CNTLN: variants seen among roughly 807,000 people sequenced by gnomAD.
CNTLN encodes the protein centlein, centrosomal protein.
CNTLN carries 212 observed loss-of-function variants against 180.0 expected under a neutral mutation model. That is an observed-to-expected ratio of 1.18 (90% CI 1.05 to 1.32). The LOEUF is 1.32. CNTLN is among the 40% of genes most tolerant of loss of function. The pLI is 0.00. For missense variants in CNTLN, 2,095 were observed against 1,610.9 expected (o/e 1.30, Z -5.14); for synonymous variants, 722 against 563.1 (o/e 1.28, Z -3.99).
At chr9:17,314,641 C>G (rs1042357465) in intron 8 of CNTLN, among the ~76,000 whole-genome samples, 7 of 152,182 alleles carry the variant, frequency 4.6e-5, no homozygotes, top group Non-Finnish European at 7.3e-5. Flanking sequence ...ATTTTAGTCT[C>G]CTAACGTTAT....
intron 2 of CNTLN, among the ~76,000 whole-genome samples, chr9:17,197,707 C>T (rs1312583177): frequency 6.6e-6 from 1 of 152,112 alleles, no homozygotes. Flanking sequence ...TTATTGATTG[C>T]TTCCTTTGCT....
At chr9:17,371,985 A>T (rs1824358648) in intron 13 of CNTLN, among the ~76,000 whole-genome samples, 1 of 152,154 alleles carries the variant, frequency 6.6e-6, no homozygotes, top group African/African-American at 2.4e-5. Context: ...AGGGAAGTTT[A>T]TAGCTATAAA....
Position 17,394,533 on chromosome 9 carries a change from G to A in CNTLN, c.2080-1G>A, listed in dbSNP as rs1001190502. On this transcript the variant is annotated splice_acceptor_variant, in intron 14 of 25. Transcript: ENST00000380647. LOFTEE classifies it high-confidence loss of function. ...TTAAAAGAATAAACTCTTTCCTTTA[G>A]GTCACTGAGTTGGAAAATCGGCTGA... The A allele has an allele frequency of 5.2e-6, 8 of 1,536,384 alleles. No homozygotes were observed. The highest frequency in any genetic ancestry group is 6.2e-6 in the Non-Finnish European group (7 of 1,134,876).
At chr9:17,395,903 A>T (rs1290834729) in intron 15 of CNTLN, among the ~76,000 whole-genome samples, 1 of 152,190 alleles carries the variant, frequency 6.6e-6, no homozygotes, top group East Asian at 1.9e-4. Flanking sequence ...CAGATGGTTA[A>T]GGCATTCTAA....
chr9:17,293,738 C>T (rs1817580224), intron 6 of CNTLN, among the ~76,000 whole-genome samples: 2 of 152,134 alleles, frequency 1.3e-5, no homozygotes, highest in African/African-American at 4.8e-5. Context: ...GTGATGATGA[C>T]CTCCCCTTCC....
At position 17,327,419 on chromosome 9, in the gene CNTLN, C is replaced by T. The variant is rs139768655; in HGVS notation, c.1342-3213C>T. Among the ~76,000 whole-genome samples, 115 of 150,714 alleles carry T rather than the reference C, an allele frequency of 7.6e-4. 1 individual carries two copies. The East Asian group carries it at 0.018, about 24-fold the overall frequency. The stretch of plus-strand genomic sequence containing the variant: ...CAGGATGGTCTCGATCTCCTGACCT[C>T]GTGATCCGCTCTTCTCGGCCTCCCG... On this transcript the variant is annotated intron_variant, in intron 8 of 25. Coordinates refer to ENST00000380647, the MANE Select transcript of CNTLN (RefSeq NM_017738.4).
At chr9:17,389,126 T>C (rs1375401352) in intron 14 of CNTLN, among the ~76,000 whole-genome samples, 2 of 152,042 alleles carry the variant, frequency 1.3e-5, no homozygotes, top group Non-Finnish European at 2.9e-5. Context: ...TTGTAGGAAA[T>C]CTAGTGATTT....
At chr9:17,513,620 C>T in the CNTLN span, among the ~76,000 whole-genome samples, 1 of 152,046 alleles carries the variant, frequency 6.6e-6, no homozygotes, top group African/African-American at 2.4e-5. Flanking sequence ...TAGACTGAAC[C>T]CAGGAGGTTG....
intron 18 of CNTLN, among the ~76,000 whole-genome samples, chr9:17,445,860 C>T (rs1041981375): frequency 6.6e-6 from 1 of 152,136 alleles, no homozygotes; most frequent in South Asian, 2.1e-4. Context: ...CATCTGTCTC[C>T]TGCCTGTCCC....
chr9:17,442,317 C>A (rs1830159090), intron 18 of CNTLN, among the ~76,000 whole-genome samples: 1 of 152,174 alleles, frequency 6.6e-6, no homozygotes, highest in African/African-American at 2.4e-5. Context: ...TACAAGGTAT[C>A]TTTTCTGATC....
chr9:17,265,674 C>G (rs948546336), intron 5 of CNTLN, among the ~76,000 whole-genome samples: 13 of 151,916 alleles, frequency 8.6e-5, no homozygotes, highest in African/African-American at 2.7e-4. Flanking sequence ...GTCCTGGACT[C>G]TTTTTGGTTG....
At chr9:17,144,597 C>G (rs182377876) in intron 2 of CNTLN, among the ~76,000 whole-genome samples, 9 of 151,720 alleles carry the variant, frequency 5.9e-5, no homozygotes, top group African/African-American at 2.2e-4. Flanking sequence ...GGTCATTTTC[C>G]TCATTCTTTA....
At chr9:17,526,850 C>CT in the CNTLN span, among the ~76,000 whole-genome samples, 62 of 149,110 alleles carry the variant, frequency 4.2e-4, no homozygotes, top group Admixed American at 1.4e-3. Flanking sequence ...CCTAATCTCT[C>CT]TTTTTTTTTT....
At chr9:17,397,912 C>T (rs1224582538) in intron 15 of CNTLN, among the ~76,000 whole-genome samples, 1 of 152,124 alleles carries the variant, frequency 6.6e-6, no homozygotes, top group East Asian at 1.9e-4. Context: ...CAAAAGAATT[C>T]TCAAACGGCT....
intron 18 of CNTLN, among the ~76,000 whole-genome samples, chr9:17,440,307 C>A (rs1830027159): frequency 6.6e-6 from 1 of 151,638 alleles, no homozygotes; most frequent in Non-Finnish European, 1.5e-5. Context: ...GGCATGGTGG[C>A]TCAAGCCTGT....
intron 18 of CNTLN, among the ~76,000 whole-genome samples, chr9:17,451,648 C>G (rs890422879): frequency 5.9e-5 from 9 of 152,108 alleles, no homozygotes; most frequent in African/African-American, 2.2e-4. Flanking sequence ...CACCGTTGCT[C>G]CAGCATGGAC....
intron 2 of CNTLN, among the ~76,000 whole-genome samples, chr9:17,196,254 C>A (rs1457314254): frequency 1.3e-5 from 2 of 152,134 alleles, no homozygotes; most frequent in Non-Finnish European, 2.9e-5. Context: ...GAACTCTTGA[C>A]CTCAGGTGAT....
intron 13 of CNTLN, among the ~76,000 whole-genome samples, chr9:17,374,821 C>T (rs1046782597): frequency 7.3e-5 from 11 of 151,302 alleles, no homozygotes; most frequent in Non-Finnish European, 1.6e-4. Flanking sequence ...GATTATGCCA[C>T]TGCACTCCAG....
chr9:17,192,869 A>T (rs1429359714), intron 2 of CNTLN, among the ~76,000 whole-genome samples: 2 of 152,218 alleles, frequency 1.3e-5, no homozygotes, highest in African/African-American at 4.8e-5. Flanking sequence ...CACGCTGCTG[A>T]TAAAGACGTA....
Sources: allele counts gnomAD v4.1 joint callset (sites outside exome capture counted in the v4.1 genomes callset), GRCh38; gene constraint gnomAD v4.1.1; transcripts MANE v1.5; gene names NCBI Gene and HGNC (gene_info 2026-07-23, HGNC 2026-07-21).